Variants in TUBA4B observed in about 807,000 individuals in gnomAD.
The protein encoded by TUBA4B is tubulin-like protein alpha-4B.
Under a neutral mutation model 18.4 loss-of-function variants are expected in TUBA4B, and 13 were observed. The ratio of observed to expected loss-of-function variants is 0.71; its 90% CI spans 0.46 to 1.12. The LOEUF (loss-of-function observed/expected upper bound fraction) is 1.12. TUBA4B is among the 50% of genes most tolerant of loss of function. The pLI, the probability that TUBA4B is intolerant of heterozygous loss-of-function variation, is 0.00. For synonymous variants in TUBA4B, 101 were observed against 99.1 expected, an observed-to-expected ratio of 1.02 and a Z score of -0.11; for missense variants, 244 against 250.0, an observed-to-expected ratio of 0.98 and a Z score of 0.16.
chr2:219,253,574 A>G (rs1285122903), intron 1 of TUBA4B, among the ~76,000 whole-genome samples, 155 bp downstream of exon 1: 1 of 151,980 alleles, frequency 6.6e-6, no homozygotes, highest in Non-Finnish European at 1.5e-5. Context: ...CAGAGTCGGG[A>G]CACAAATGCT....
chr2:219,253,489 G>C, intron 1 of TUBA4B, 70 bp downstream of exon 1: 4 of 1,262,018 alleles, frequency 3.2e-6, no homozygotes, highest in Non-Finnish European at 4.5e-6. Context: ...AGGGACTGGG[G>C]ATGTAAGAGG....
intron 1 of TUBA4B, among the ~76,000 whole-genome samples, chr2:219,262,274 G>T (rs1448630998): frequency 6.6e-6 from 1 of 152,220 alleles, no homozygotes; most frequent in Non-Finnish European, 1.5e-5. Context: ...TCGTGCCACT[G>T]CACTCCATCC....
rs940941835 is a variant in TUBA4B, at chr2:219,268,917, G to A, written c.59-1285G>A. On this transcript the variant is annotated intron_variant, in intron 2 of 3. Transcript: ENST00000490341. Reference sequence around the variant, plus strand: ...TTAAGACCCACTTGGGAAAGATGGCGAGACCTGTCTCTACAAAAAAATTTA... The same window carrying A: ...TTAAGACCCACTTGGGAAAGATGGCAAGACCTGTCTCTACAAAAAAATTTA... 8.4e-4 allele frequency among the ~76,000 whole-genome samples: 128 copies of A among 152,264 alleles called. 1 individual carries two copies. Among genetic ancestry groups the A allele is most frequent in the Middle Eastern group, 6.8e-3 (2 of 294 alleles).
intron 2 of TUBA4B, 69 bp downstream of exon 2, chr2:219,266,635 C>G: frequency 2.9e-6 from 2 of 697,130 alleles, no homozygotes; most frequent in Non-Finnish European, 5.2e-6. Flanking sequence ...AGATATCTGG[C>G]GTGAAGGTAC....
At chr2:219,258,394 C>T (rs1013815978) in intron 1 of TUBA4B, among the ~76,000 whole-genome samples, 4 of 152,076 alleles carry the variant, frequency 2.6e-5, no homozygotes, top group Non-Finnish European at 4.4e-5. Context: ...AATCTTGGCT[C>T]GCTGCAACCT....
Position 219,266,584 on chromosome 2 carries a change from T to TG in TUBA4B, c.58+24dup, listed in dbSNP as rs1344915870. 1 of 702,654 alleles carries TG rather than the reference T, an allele frequency of 1.4e-6. No individual in the cohort carries two copies. Among genetic ancestry groups the TG allele is most frequent in the Non-Finnish European group, 2.6e-6 (1 of 384,856 alleles). 43.5% of individuals were successfully genotyped at this position (702,654 alleles called of 1,614,324 possible). ...GCAGCATGGTGAGTAGAAGGGGCCT[T>TG]GGGGGGACTGAGCATGCAAGTGAGG... On this transcript the variant is annotated intron_variant, in intron 2 of 3. Transcript: ENST00000490341.
At chr2:219,260,482 T>C (rs6723299) in intron 1 of TUBA4B, among the ~76,000 whole-genome samples, 11,561 of 152,248 alleles carry the variant, frequency 0.076, 1,105 homozygotes, top group African/African-American at 0.22. Context: ...TCTCCATTTC[T>C]GACCTCTCCT....
intron 1 of TUBA4B, among the ~76,000 whole-genome samples, chr2:219,262,266 G>A (rs912441095): frequency 3.8e-4 from 58 of 152,232 alleles, no homozygotes; most frequent in African/African-American, 1.1e-3. Flanking sequence ...AGCTGAGATC[G>A]TGCCACTGCA....
At chr2:219,261,604 A>C (rs1951759623) in intron 1 of TUBA4B, among the ~76,000 whole-genome samples, 1 of 152,156 alleles carries the variant, frequency 6.6e-6, no homozygotes, top group Non-Finnish European at 1.5e-5. Context: ...CACCACCTAC[A>C]CTAGTATGTC....
At chr2:219,265,929 G>GA (rs1363036684) in intron 1 of TUBA4B, among the ~76,000 whole-genome samples, 2 of 152,210 alleles carry the variant, frequency 1.3e-5, no homozygotes, top group Admixed American at 1.3e-4. Flanking sequence ...TCCAGAGAGA[G>GA]AAAAAAAAAG....
In TUBA4B at chr2:219,272,066, T is replaced by G; in HGVS notation, c.*367T>G. 42 of 1,148,114 alleles carry G rather than the reference T, an allele frequency of 3.7e-5. No individual in the cohort carries two copies. The highest frequency in any genetic ancestry group is 4.8e-5 in the African/African-American group (3 of 62,370). The allele number at this position is 1,148,114 out of a possible 1,614,324, so 71.1% of individuals were successfully genotyped here. ...TCTCCAAGGCCCATGAGGATATGAC[T>G]GCCCTGGAGAAGGATTACAAGGAGG... On this transcript the variant is annotated 3_prime_UTR_variant, in exon 4 of 4. Transcript: ENST00000490341.
rs1462767814 is a variant in TUBA4B, at chr2:219,271,487, C to T, written c.514C>T (p.Gln172Ter). ...CACCAACCTCAATCGCCTCATTAGC[C>T]AAATTGTCTCCTCCATCACAGCTTC... ...TYTNLNRLISQIVSSITASLR... is the reference protein window; with the variant it reads ...TYTNLNRLIS Residue 172 changes from glutamine (Q) to a stop codon, truncating the protein, a stop_gained, in exon 4 of 4, where the codon CAA (glutamine) becomes TAA (stop). Coordinates refer to ENST00000490341, the MANE Select transcript of TUBA4B (RefSeq NM_001355221.1). LOFTEE classifies it high-confidence loss of function. 1 of 1,614,072 alleles carries T rather than the reference C, an allele frequency of 6.2e-7. No individual in the cohort carries two copies. The highest frequency in any genetic ancestry group is 8.5e-7 in the Non-Finnish European group (1 of 1,180,038).
chr2:219,270,609 T>C (rs536185746), intron 3 of TUBA4B, among the ~76,000 whole-genome samples: 141 of 150,208 alleles, frequency 9.4e-4, no homozygotes, highest in African/African-American at 3.3e-3. Flanking sequence ...GGCCAAGCTG[T>C]GGGGTTCCAT....
At chr2:219,268,678 A>C (rs1951806267) in intron 2 of TUBA4B, among the ~76,000 whole-genome samples, 2 of 152,258 alleles carry the variant, frequency 1.3e-5, no homozygotes. Context: ...TCAGTCATCT[A>C]AAAATCATGA....
In TUBA4B at chr2:219,271,235, G is replaced by A. The variant is rs530906082; in HGVS notation, c.262G>A (p.Val88Ile). ...CCTTGGTCGGGGCACTGGCTCTGAC[G>A]TCACCTCATTCCTGATGGAGTGGCT... ...HSLGRGTGSD[V>I]TSFLMEWLSV... The change falls in exon 4 of 4, where the codon GTC becomes ATC. Residue 88 changes from valine to isoleucine, a missense_variant. Physicochemically the swap from Val to Ile is conservative, Grantham distance 29. Transcript: ENST00000490341. 6.3e-6 allele frequency: 8 copies of A among 1,277,406 alleles called. No homozygotes were observed. Among genetic ancestry groups the A allele is most frequent in the Admixed American group, 3.4e-5 (2 of 59,556 alleles). 79.1% of individuals were successfully genotyped at this position (1,277,406 alleles called of 1,614,324 possible). A position where few individuals can be genotyped will look rare whatever the true frequency, so the allele number is the denominator to read the frequency against.
intron 3 of TUBA4B, among the ~76,000 whole-genome samples, chr2:219,270,851 C>T (rs1186879007): frequency 1.3e-5 from 2 of 151,870 alleles, no homozygotes; most frequent in East Asian, 3.9e-4. Context: ...CAAGTTATGA[C>T]GACAAGATGA....
rs755815136 is a variant in TUBA4B at position 219,270,283 on chromosome 2, A to G, written c.140A>G (p.Tyr47Cys). 3.9e-6 allele frequency: 3 copies of G among 765,902 alleles called. No individual in the cohort carries two copies. In the South Asian group the frequency reaches 4.1e-5, roughly 11 times the overall value. The allele number at this position is 765,902 out of a possible 1,614,324, so 47.4% of individuals were successfully genotyped here. ...GCCAATAACTATGCCTGGGGCCACT[A>G]CACCATTGGGAAGGAGTTCATCGAC... Reference protein sequence around the residue: ...DAANNYAWGHYTIGKEFIDLL... With the variant: ...DAANNYAWGHCTIGKEFIDLL... Residue 47 changes from tyrosine (Y) to cysteine (C), a missense_variant, in exon 3 of 4, where the codon TAC becomes TGC. Coordinates refer to ENST00000490341, the MANE Select transcript of TUBA4B (RefSeq NM_001355221.1).
chr2:219,271,791 C>A lies in TUBA4B; in HGVS notation c.*92C>A. ...AGGATGTCAACGCTGCCATTGCTGC[C>A]ATCAAGACCAAGTGCAGCATTCAGT... is the stretch of plus-strand genomic sequence containing the variant. On this transcript the variant is annotated 3_prime_UTR_variant, in exon 4 of 4. Coordinates refer to ENST00000490341, the MANE Select transcript of TUBA4B (RefSeq NM_001355221.1). The A allele has an allele frequency of 6.2e-7, 1 of 1,606,344 alleles. No homozygotes were observed. Among genetic ancestry groups the A allele is most frequent in the East Asian group, 2.2e-5 (1 of 44,852 alleles).
At chr2:219,257,826 T>A (rs932958994) in intron 1 of TUBA4B, among the ~76,000 whole-genome samples, 2 of 150,238 alleles carry the variant, frequency 1.3e-5, no homozygotes, top group African/African-American at 2.5e-5. Flanking sequence ...AAAAAAAAAA[T>A]ATATATATAC....
Sources: gnomAD v4.1 joint callset for allele counts (sites outside exome capture counted in the v4.1 genomes callset) on GRCh38, gnomAD v4.1.1 for gene constraint, MANE v1.5 for transcripts, NCBI Gene and HGNC (gene_info 2026-07-23, HGNC 2026-07-21) for gene names.